Variants in CTNNA2 observed in about 807,000 individuals in gnomAD.
CTNNA2 encodes the protein catenin alpha 2, also known as catenin alpha-2.
CTNNA2 carries 42 observed loss-of-function variants against 101.0 expected under a neutral mutation model. The ratio of observed to expected loss-of-function variants is 0.42; its 90% CI spans 0.32 to 0.54. The LOEUF (loss-of-function observed/expected upper bound fraction) is 0.54. CTNNA2 is among the 20% of genes least tolerant of loss of function. The pLI is 0.14. For synonymous variants in CTNNA2, 450 were observed against 456.4 expected, an observed-to-expected ratio of 0.99 and a Z score of 0.18; for missense variants, 871 against 1,223.1, an observed-to-expected ratio of 0.71 and a Z score of 4.29.
chr2:80,068,771 T>C (rs1572988157), intron 7 of CTNNA2, among the ~76,000 whole-genome samples: 1 of 152,178 alleles, frequency 6.6e-6, no homozygotes, highest in Admixed American at 6.5e-5. Context: ...AGGAACCTGA[T>C]AGTTATTTCC....
chr2:79,848,509 G>C (rs1367393800), intron 3 of CTNNA2, among the ~76,000 whole-genome samples: 1 of 152,024 alleles, frequency 6.6e-6, no homozygotes, highest in Admixed American at 6.6e-5. Flanking sequence ...AATCTTTCTG[G>C]CTACAACAAT....
intron 7 of CTNNA2, among the ~76,000 whole-genome samples, chr2:79,965,746 G>A (rs971971426): frequency 1.4e-5 from 2 of 146,036 alleles, no homozygotes; most frequent in Non-Finnish European, 3.0e-5. Context: ...ATCACTTGAC[G>A]CTAGGAGGCA....
intron 7 of CTNNA2, among the ~76,000 whole-genome samples, chr2:80,248,643 T>A (rs1376402759): frequency 1.3e-5 from 2 of 152,184 alleles, no homozygotes; most frequent in Non-Finnish European, 2.9e-5. Flanking sequence ...TCTCAGCAGC[T>A]GCTGGTTGGA....
At chr2:79,350,981 TTTTG>T (rs923157557) in intron 3 of CTNNA2, among the ~76,000 whole-genome samples, 6 of 152,184 alleles carry the variant, frequency 3.9e-5, no homozygotes, top group Non-Finnish European at 7.4e-5. Context: ...TTGTTAATGT[TTTTG>T]TTTGTTTGTT....
intron 7 of CTNNA2, among the ~76,000 whole-genome samples, chr2:79,946,977 T>C (rs528848990): frequency 6.6e-6 from 1 of 152,220 alleles, no homozygotes; most frequent in East Asian, 1.9e-4. Flanking sequence ...CTAATTTAGG[T>C]GAAAATAATC....
intron 3 of CTNNA2, among the ~76,000 whole-genome samples, chr2:79,317,429 T>A (rs1042090956): frequency 1.3e-5 from 2 of 152,002 alleles, no homozygotes; most frequent in African/African-American, 4.8e-5. Flanking sequence ...ATAGATTGGG[T>A]TGGGTTATTT....
chr2:80,409,274 A>G (rs1679344320), intron 8 of CTNNA2, among the ~76,000 whole-genome samples: 1 of 152,152 alleles, frequency 6.6e-6, no homozygotes, highest in Admixed American at 6.5e-5. Flanking sequence ...GGGGTGGAGA[A>G]ATCTTAAGAG....
chr2:79,277,852 A>G (rs539034798), intron 2 of CTNNA2, among the ~76,000 whole-genome samples: 39 of 152,172 alleles, frequency 2.6e-4, no homozygotes, highest in Admixed American at 7.9e-4. Context: ...TGCTCTAGCA[A>G]ATAAAGTACA....
chr2:80,583,429 C>T (rs186678852), intron 14 of CTNNA2, among the ~76,000 whole-genome samples: 160 of 152,302 alleles, frequency 1.1e-3, no homozygotes, highest in Non-Finnish European at 1.0e-3. Flanking sequence ...AATCTTTTGA[C>T]TCTGTGTTGG....
intron 3 of CTNNA2, among the ~76,000 whole-genome samples, chr2:79,763,896 A>G (rs80056244): frequency 6.6e-6 from 1 of 152,322 alleles, no homozygotes; most frequent in East Asian, 1.9e-4. Flanking sequence ...TATCAAATGG[A>G]TATAAGTTGT....
intron 3 of CTNNA2, among the ~76,000 whole-genome samples, chr2:79,752,343 C>G (rs765214092): frequency 6.6e-6 from 1 of 152,146 alleles, no homozygotes; most frequent in Non-Finnish European, 1.5e-5. Flanking sequence ...TCACTCTAGA[C>G]TCTAGAATGT....
chr2:79,280,568 T>C (rs1004415004), intron 2 of CTNNA2, among the ~76,000 whole-genome samples: 2 of 151,536 alleles, frequency 1.3e-5, no homozygotes, highest in Admixed American at 6.6e-5. Context: ...TAACAAAGAC[T>C]GTAATCCCAC....
At chr2:79,632,443 G>T (rs371631445) in intron 1 of CTNNA2, among the ~76,000 whole-genome samples, 1 of 151,940 alleles carries the variant, frequency 6.6e-6, no homozygotes, top group Admixed American at 6.6e-5. Flanking sequence ...TCTGTTTATC[G>T]ACAAATAGCT....
intron 2 of CTNNA2, among the ~76,000 whole-genome samples, chr2:79,286,199 T>C (rs1197157913): frequency 6.6e-6 from 1 of 152,202 alleles, no homozygotes; most frequent in Non-Finnish European, 1.5e-5. Context: ...GGGTCTTGAC[T>C]CTTTATCCAA....
intron 7 of CTNNA2, among the ~76,000 whole-genome samples, chr2:80,003,623 GA>G (rs1693119777): frequency 6.6e-6 from 1 of 152,110 alleles, no homozygotes. Flanking sequence ...GAAGTGGTTA[GA>G]ATTCCATATG....
chr2:80,471,400 T>G (rs1685294082), intron 9 of CTNNA2, among the ~76,000 whole-genome samples: 1 of 152,228 alleles, frequency 6.6e-6, no homozygotes, highest in Admixed American at 6.5e-5. Flanking sequence ...CTGTTATTTA[T>G]TATCCAATAT....
chr2:80,287,073 G>A (rs1169180952), intron 7 of CTNNA2, among the ~76,000 whole-genome samples: 2 of 152,154 alleles, frequency 1.3e-5, no homozygotes, highest in African/African-American at 4.8e-5. Context: ...TGATTGCTAA[G>A]GACAATGACT....
intron 12 of CTNNA2, among the ~76,000 whole-genome samples, chr2:80,566,049 C>T (rs1694033080): frequency 6.6e-6 from 1 of 152,122 alleles, no homozygotes; most frequent in East Asian, 1.9e-4. Context: ...GTCCTGCTAG[C>T]TAGTTTTTTA....
chr2:80,252,274 T>G (rs10182935), intron 7 of CTNNA2, among the ~76,000 whole-genome samples: 10,381 of 152,260 alleles, frequency 0.068, 502 homozygotes, highest in Non-Finnish European at 0.1. Context: ...TTTTCTGGAT[T>G]ACTAAACTCT....
Sources: allele counts gnomAD v4.1 joint callset (sites outside exome capture counted in the v4.1 genomes callset), GRCh38; gene constraint gnomAD v4.1.1; transcripts MANE v1.5; gene names NCBI Gene and HGNC (gene_info 2026-07-23, HGNC 2026-07-21).